The following SENP6 variants were observed in gnomAD, a reference collection of about 807,000 sequenced individuals.
SENP6 encodes the protein sentrin-specific protease 6.
A neutral mutation model predicts 134.5 loss-of-function variants in SENP6; 41 were observed. The ratio of observed to expected loss-of-function variants is 0.30; its 90% CI spans 0.24 to 0.40. The LOEUF (loss-of-function observed/expected upper bound fraction) is 0.40, where lower values mean the gene tolerates loss of function less well. SENP6 is among the 10% of genes least tolerant of loss of function. The probability of loss-of-function intolerance (pLI) is 1.00; values close to 1 mark genes in which losing one functional copy is unlikely to be tolerated. For missense variants in SENP6, 1,248 were observed against 1,312.5 expected (o/e 0.95, Z 0.76); for synonymous variants, 395 against 429.8 (o/e 0.92, Z 1.00).
chr6:75,602,517 G>T lies in SENP6; in HGVS notation c.-8G>T. ...GGATTAAGAAGGAGGCGGCGTGGGA[G>T]GAGGAAGATGGCGGCCGGCAAGAGC... On this transcript the variant is annotated 5_prime_UTR_variant, in exon 1 of 24. In the 5' UTR this introduces an upstream ATG that the reference lacks. Transcript: ENST00000447266. 6.4e-7 allele frequency: 1 copy of T among 1,551,398 alleles called. No individual in the cohort carries two copies. Among genetic ancestry groups the T allele is most frequent in the East Asian group, 2.4e-5 (1 of 40,902 alleles).
chr6:75,638,218 A>G (rs1014943048), intron 5 of SENP6, among the ~76,000 whole-genome samples: 1 of 146,052 alleles, frequency 6.8e-6, no homozygotes. Context: ...GAATTTATCT[A>G]TTAGTCTTTT....
intron 16 of SENP6, among the ~76,000 whole-genome samples, chr6:75,682,720 G>A (rs1773550461): frequency 6.6e-6 from 1 of 152,086 alleles, no homozygotes; most frequent in African/African-American, 2.4e-5. Flanking sequence ...CCATGTCCCT[G>A]CAAAGGACAT....
chr6:75,663,006 C>A (rs1446961229), intron 8 of SENP6, among the ~76,000 whole-genome samples: 1 of 152,158 alleles, frequency 6.6e-6, no homozygotes, highest in African/African-American at 2.4e-5. Context: ...CTTATTTAGG[C>A]TCTCATGGTA....
intron 1 of SENP6, among the ~76,000 whole-genome samples, chr6:75,612,594 C>T (rs1041788777): frequency 1.3e-5 from 2 of 152,082 alleles, no homozygotes; most frequent in Admixed American, 6.6e-5. Flanking sequence ...CCACCCAAAA[C>T]GCTAGGATTA....
At chr6:75,653,053 G>C (rs1056418214) in intron 7 of SENP6, among the ~76,000 whole-genome samples, 2 of 149,228 alleles carry the variant, frequency 1.3e-5, no homozygotes, top group African/African-American at 4.9e-5. Context: ...CTTTTTTGAC[G>C]GAGTTTCGCT....
intron 3 of SENP6, among the ~76,000 whole-genome samples, chr6:75,626,306 TG>T (rs1437166924): frequency 1.3e-5 from 2 of 152,010 alleles, no homozygotes; most frequent in East Asian, 3.9e-4. Context: ...TCCCTATAAG[TG>T]ACTTGTTTTA....
intron 11 of SENP6, among the ~76,000 whole-genome samples, chr6:75,675,060 G>T (rs1185644406): frequency 6.6e-6 from 1 of 152,062 alleles, no homozygotes; most frequent in African/African-American, 2.4e-5. Flanking sequence ...GTAACCACCA[G>T]TAATAAGTAA....
chr6:75,659,971 A>T (rs989500610), intron 8 of SENP6, among the ~76,000 whole-genome samples: 1 of 152,244 alleles, frequency 6.6e-6, no homozygotes, highest in Admixed American at 6.5e-5. Flanking sequence ...CATTTAATCC[A>T]CAAGTCCCAT....
intron 16 of SENP6, among the ~76,000 whole-genome samples, chr6:75,680,576 G>GT (rs1773396382): frequency 6.6e-6 from 1 of 152,200 alleles, no homozygotes. Flanking sequence ...TTGAAGGGAA[G>GT]TGAGAGCTTT....
intron 7 of SENP6, among the ~76,000 whole-genome samples, chr6:75,653,749 T>G (rs1428881240): frequency 6.6e-6 from 1 of 152,146 alleles, no homozygotes; most frequent in Non-Finnish European, 1.5e-5. Context: ...TAATTCAAGC[T>G]GGCCTTGTGC....
chr6:75,685,970 G>C (rs931390065), intron 16 of SENP6, among the ~76,000 whole-genome samples: 3 of 152,154 alleles, frequency 2.0e-5, no homozygotes, highest in African/African-American at 7.2e-5. Context: ...CTGTCTCGTT[G>C]ATCTGTCTAA....
intron 17 of SENP6, among the ~76,000 whole-genome samples, chr6:75,696,297 G>A (rs1399917900): frequency 6.6e-6 from 1 of 152,110 alleles, no homozygotes; most frequent in African/African-American, 2.4e-5. Context: ...TTTCCCAAAT[G>A]TGACTAGTAG....
At chr6:75,713,039 T>C (rs763628572) in intron 21 of SENP6, among the ~76,000 whole-genome samples, 1 of 152,096 alleles carries the variant, frequency 6.6e-6, no homozygotes, top group South Asian at 2.1e-4. Context: ...CTCAGGACAT[T>C]GAAGCTGCAG....
intron 3 of SENP6, among the ~76,000 whole-genome samples, chr6:75,629,416 C>G (rs1328718353): frequency 6.6e-6 from 1 of 152,158 alleles, no homozygotes; most frequent in Non-Finnish European, 1.5e-5. Flanking sequence ...TCTCTTGCCT[C>G]AGCCTCCTGA....
At chr6:75,656,107 C>T (rs1771308395) in intron 7 of SENP6, among the ~76,000 whole-genome samples, 2 of 151,292 alleles carry the variant, frequency 1.3e-5, no homozygotes, top group South Asian at 2.1e-4. Flanking sequence ...CCCAGCTACT[C>T]AGGAGGCAGA....
At chr6:75,696,324 T>C (rs1179727462) in intron 17 of SENP6, among the ~76,000 whole-genome samples, 1 of 152,218 alleles carries the variant, frequency 6.6e-6, no homozygotes, top group African/African-American at 2.4e-5. Context: ...TTAAAATTAC[T>C]TAGATACTTA....
At chr6:75,664,273 C>T (rs1377702924) in intron 9 of SENP6, among the ~76,000 whole-genome samples, 1 of 149,704 alleles carries the variant, frequency 6.7e-6, no homozygotes, top group African/African-American at 2.5e-5. Context: ...AAAAAAAAAA[C>T]AATAATAATA....
chr6:75,693,138 G>T (rs1237871155), intron 16 of SENP6, among the ~76,000 whole-genome samples: 1 of 152,046 alleles, frequency 6.6e-6, no homozygotes, highest in Non-Finnish European at 1.5e-5. Flanking sequence ...AGTGGCTCAC[G>T]CCTATAATCC....
intron 21 of SENP6, among the ~76,000 whole-genome samples, chr6:75,712,024 C>G (rs770518228): frequency 5.9e-5 from 9 of 152,122 alleles, no homozygotes. Flanking sequence ...TGTTTTGGAG[C>G]AGAAATCACT....
Sources: allele counts gnomAD v4.1 joint callset (sites outside exome capture counted in the v4.1 genomes callset), GRCh38; gene constraint gnomAD v4.1.1; transcripts MANE v1.5; gene names NCBI Gene and HGNC (gene_info 2026-07-23, HGNC 2026-07-21).